DRC11: variants seen among roughly 807,000 people sequenced by gnomAD.
DRC11 encodes IQ and AAA domain-containing protein 1.
chr2:236,322,159 C>T, the DRC11 span, among the ~76,000 whole-genome samples: 1 of 152,022 alleles, frequency 6.6e-6, no homozygotes, highest in African/African-American at 2.4e-5. Flanking sequence ...CAGCCAGAAG[C>T]CCCTCTCAGG....
the DRC11 span, among the ~76,000 whole-genome samples, chr2:236,319,502 CTG>C: frequency 6.6e-6 from 1 of 152,186 alleles, no homozygotes; most frequent in Non-Finnish European, 1.5e-5. The surrounding 1 kb of genome is among the most constrained non-coding windows in gnomAD (Gnocchi z 6.7). Context: ...AAAAAACGTA[CTG>C]TGTTTGTTTG....
the DRC11 span, among the ~76,000 whole-genome samples, chr2:236,384,235 G>A: frequency 2.0e-5 from 3 of 151,986 alleles, no homozygotes; most frequent in Non-Finnish European, 4.4e-5. Flanking sequence ...CTGAGGCATC[G>A]CCACACTGAC....
At chr2:236,389,303 C>T in the DRC11 span, among the ~76,000 whole-genome samples, 2 of 152,256 alleles carry the variant, frequency 1.3e-5, no homozygotes, top group Non-Finnish European at 2.9e-5. Flanking sequence ...GCTGTGCTAG[C>T]AACCAGCGAG....
chr2:236,326,749 C>T, the DRC11 span, among the ~76,000 whole-genome samples: 1 of 151,382 alleles, frequency 6.6e-6, no homozygotes, highest in African/African-American at 2.4e-5. Flanking sequence ...GTATTTAGCA[C>T]TAGATTTCCT....
the DRC11 span, chr2:236,408,459 T>TA: frequency 1.4e-6 from 1 of 740,188 alleles, no homozygotes; most frequent in East Asian, 2.5e-5. The surrounding 1 kb of genome is among the most constrained non-coding windows in gnomAD (Gnocchi z 5.5). Context: ...GGTTCACAGG[T>TA]ATGGGCTGCT....
chr2:236,340,819 T>C, the DRC11 span, among the ~76,000 whole-genome samples: 1 of 152,180 alleles, frequency 6.6e-6, no homozygotes, highest in East Asian at 1.9e-4. Context: ...AAACGTTGAT[T>C]CTGGGCAATG....
the DRC11 span, chr2:236,419,133 C>G: frequency 6.6e-7 from 1 of 1,511,556 alleles, no homozygotes; most frequent in Non-Finnish European, 8.8e-7. The surrounding 1 kb of genome is among the most constrained non-coding windows in gnomAD (Gnocchi z 4.8). Context: ...TCTAAAATTT[C>G]ATACAAATAT....
At chr2:236,327,839 C>T in the DRC11 span, among the ~76,000 whole-genome samples, 2 of 151,992 alleles carry the variant, frequency 1.3e-5, no homozygotes, top group African/African-American at 4.8e-5. Context: ...TGTGCCACCA[C>T]GTCCAGCTAA....
the DRC11 span, among the ~76,000 whole-genome samples, chr2:236,318,533 ATATATG>A: frequency 2.4e-4 from 36 of 151,576 alleles, no homozygotes; most frequent in African/African-American, 8.8e-4. This position sits in a 1 kb window ranked among gnomAD's most constrained non-coding sequence, Gnocchi z 7.0. Flanking sequence ...CTGTATATGT[ATATATG>A]TATATGAGTG....
At chr2:236,331,803 AC>A in the DRC11 span, 1 of 567,640 alleles carries the variant, frequency 1.8e-6, no homozygotes, top group Non-Finnish European at 3.1e-6. The surrounding 1 kb of genome is among the most constrained non-coding windows in gnomAD (Gnocchi z 4.8). Context: ...CATATCAATG[AC>A]CCTGAGGTCT....
the DRC11 span, among the ~76,000 whole-genome samples, chr2:236,426,670 G>A: frequency 7.1e-4 from 108 of 152,294 alleles, 2 homozygotes; most frequent in East Asian, 0.016. This position sits in a 1 kb window ranked among gnomAD's most constrained non-coding sequence, Gnocchi z 4.1. Context: ...GCCTCCCAAA[G>A]TGCTGGGATT....
At chr2:236,345,079 T>A in the DRC11 span, among the ~76,000 whole-genome samples, 27 of 111,396 alleles carry the variant, frequency 2.4e-4, no homozygotes, top group Non-Finnish European at 3.1e-4. Flanking sequence ...TGCTTCCCTC[T>A]GGGGTGTGCA....
chr2:236,411,476 A>T, the DRC11 span, among the ~76,000 whole-genome samples: 1 of 152,058 alleles, frequency 6.6e-6, no homozygotes, highest in Non-Finnish European at 1.5e-5. Context: ...ACCATTGTGG[A>T]AGTCAGTGTG....
chr2:236,439,101 C>A, the DRC11 span, among the ~76,000 whole-genome samples: 1 of 149,534 alleles, frequency 6.7e-6, no homozygotes, highest in Non-Finnish European at 1.5e-5. Context: ...CAGTAAATGC[C>A]CACAAGAGAA....
chr2:236,308,530 A>G, the DRC11 span, among the ~76,000 whole-genome samples: 1 of 152,250 alleles, frequency 6.6e-6, no homozygotes, highest in African/African-American at 2.4e-5. The surrounding 1 kb of genome is among the most constrained non-coding windows in gnomAD (Gnocchi z 6.0). Flanking sequence ...GTGGCAGCTC[A>G]CGCTAGCGCT....
the DRC11 span, among the ~76,000 whole-genome samples, chr2:236,329,153 G>A: frequency 1.3e-5 from 2 of 152,196 alleles, no homozygotes; most frequent in South Asian, 2.1e-4. Context: ...CTCCCTCTTC[G>A]GCTTTTCATG....
chr2:236,430,682 G>C, the DRC11 span, among the ~76,000 whole-genome samples: 23 of 152,324 alleles, frequency 1.5e-4, no homozygotes, highest in Admixed American at 1.4e-3. The surrounding 1 kb of genome is among the most constrained non-coding windows in gnomAD (Gnocchi z 6.0). Context: ...ATATCTGCAG[G>C]ATAAATTCCT....
chr2:236,416,748 TATATATA>T, the DRC11 span, among the ~76,000 whole-genome samples: 1 of 56,262 alleles, frequency 1.8e-5, no homozygotes, highest in Non-Finnish European at 3.9e-5. Context: ...TATATATATA[TATATATA>T]TATATATATA....
the DRC11 span, among the ~76,000 whole-genome samples, chr2:236,446,668 G>A: frequency 6.6e-6 from 1 of 152,216 alleles, no homozygotes; most frequent in African/African-American, 2.4e-5. This position sits in a 1 kb window ranked among gnomAD's most constrained non-coding sequence, Gnocchi z 6.2. Flanking sequence ...CCGAATGCCT[G>A]GAAAACCCTC....
Sources: allele counts gnomAD v4.1 joint callset (sites outside exome capture counted in the v4.1 genomes callset), GRCh38; gene constraint gnomAD v4.1.1; non-coding constraint Gnocchi (gnomAD v3.1); transcripts MANE v1.5; gene names NCBI Gene and HGNC (gene_info 2026-07-23, HGNC 2026-07-21).